Variants in MAP1B observed in about 807,000 individuals in gnomAD.
MAP1B encodes the protein microtubule associated protein 1B.
A neutral mutation model predicts 176.1 loss-of-function variants in MAP1B; 12 were observed. The observed-to-expected ratio is 0.07, with a 90% CI of 0.04 to 0.11. MAP1B has a LOEUF of 0.11. Ranked by LOEUF, MAP1B falls within the 10% of genes least tolerant of loss-of-function variation. The pLI is 1.00. For missense variants in MAP1B, 2,523 were observed against 2,990.5 expected, an observed-to-expected ratio of 0.84 and a Z score of 3.65; for synonymous variants, 1,044 against 1,135.0, an observed-to-expected ratio of 0.92 and a Z score of 1.61.
At chr5:72,181,234 C>G (rs897339710) in intron 2 of MAP1B, among the ~76,000 whole-genome samples, 2 of 152,104 alleles carry the variant, frequency 1.3e-5, no homozygotes, top group East Asian at 3.8e-4. Flanking sequence ...GGAGAATGGG[C>G]TTGGTAACAG....
intron 2 of MAP1B, among the ~76,000 whole-genome samples, chr5:72,171,603 T>A (rs1746544081): frequency 6.6e-6 from 1 of 152,148 alleles, no homozygotes; most frequent in Non-Finnish European, 1.5e-5. Context: ...AAAAATTTTT[T>A]TTTTAAAGTG....
At chr5:72,185,614 A>G (rs1188682678) in intron 3 of MAP1B, among the ~76,000 whole-genome samples, 1 of 152,144 alleles carries the variant, frequency 6.6e-6, no homozygotes, top group Admixed American at 6.5e-5. Flanking sequence ...AGGAGAAAAA[A>G]AAAAAAAAAA....
chr5:72,131,518 A>T (rs1435202280), intron 2 of MAP1B, among the ~76,000 whole-genome samples: 5 of 152,208 alleles, frequency 3.3e-5, no homozygotes, highest in Non-Finnish European at 7.3e-5. Flanking sequence ...AGATATTCTT[A>T]TAAGGATTCC....
At chr5:72,181,044 C>T (rs1338587260) in intron 2 of MAP1B, among the ~76,000 whole-genome samples, 1 of 152,138 alleles carries the variant, frequency 6.6e-6, no homozygotes, top group African/African-American at 2.4e-5. Flanking sequence ...TCATTGCTTT[C>T]GACAGTAAAG....
rs1747441045 is a variant in MAP1B, at chr5:72,206,073, AG to A, written c.*835del. The A allele has an allele frequency of 1.3e-5, 2 of 152,736 alleles. No individual in the cohort carries two copies. Among genetic ancestry groups the A allele is most frequent in the Non-Finnish European group, 2.9e-5 (2 of 68,068 alleles). 9.5% of individuals were successfully genotyped at this position (152,736 alleles called of 1,614,324 possible). On this transcript the variant is annotated 3_prime_UTR_variant, in exon 7 of 7. Coordinates refer to ENST00000296755, the MANE Select transcript of MAP1B (RefSeq NM_005909.5). Reference sequence around the variant, plus strand: ...GCTCCCAGCATTTGTCCACCCACTTAGTCCACTCTGAGTCGATTAACCTGCA... The same window carrying A: ...GCTCCCAGCATTTGTCCACCCACTTATCCACTCTGAGTCGATTAACCTGCA...
At chr5:72,182,873 T>TC (rs1335025531) in intron 2 of MAP1B, among the ~76,000 whole-genome samples, 34 of 152,274 alleles carry the variant, frequency 2.2e-4, no homozygotes, top group African/African-American at 8.2e-4. Context: ...TATCACCAAC[T>TC]GGGCCACACA....
chr5:72,199,613 C>G lies in MAP1B; in HGVS notation c.6258C>G (p.Ser2086=). The change falls in exon 5 of 7, where the codon TCC becomes TCG. Residue 2086 remains serine (S), a synonymous_variant. Coordinates refer to ENST00000296755, the MANE Select transcript of MAP1B (RefSeq NM_005909.5). The surrounding 1 kb of genome is among the most constrained non-coding windows in gnomAD (Gnocchi z 4.2). The part of the protein sequence containing the change: ...ARQDVDLCLV[S]SCEYKHPKTE... ...AGGATGTCGATTTATGCCTCGTGTC[C>G]TCTTGTGAATACAAGCACCCCAAGA... 6.2e-7 allele frequency: 1 copy of G among 1,614,148 alleles called. No homozygotes were observed. Among genetic ancestry groups the G allele is most frequent in the Non-Finnish European group, 8.5e-7 (1 of 1,180,038 alleles).
At chr5:72,179,493 C>T in intron 2 of MAP1B, 1 of 408,508 alleles carries the variant, frequency 2.4e-6, no homozygotes, top group Non-Finnish European at 3.3e-6. Context: ...CAGTGTGAAA[C>T]ATTCCCCAAA....
chr5:72,169,729 A>G (rs766395047), intron 2 of MAP1B, among the ~76,000 whole-genome samples: 1 of 152,212 alleles, frequency 6.6e-6, no homozygotes, highest in Non-Finnish European at 1.5e-5. Context: ...ATGTAAAAGC[A>G]TTTTGTTAAC....
intron 2 of MAP1B, among the ~76,000 whole-genome samples, chr5:72,151,178 A>T (rs1248448503): frequency 6.6e-6 from 1 of 152,068 alleles, no homozygotes; most frequent in Non-Finnish European, 1.5e-5. Context: ...GGCATATTTG[A>T]AGAGGGACCA....
chr5:72,159,193 G>T (rs527867338), intron 2 of MAP1B, among the ~76,000 whole-genome samples: 7 of 151,634 alleles, frequency 4.6e-5, no homozygotes, highest in Admixed American at 1.3e-4. Flanking sequence ...AAGACTGGAA[G>T]AAAAAAAACA....
At chr5:72,152,113 G>C (rs572183124) in intron 2 of MAP1B, among the ~76,000 whole-genome samples, 15 of 152,212 alleles carry the variant, frequency 9.9e-5, no homozygotes, top group Admixed American at 8.5e-4. Flanking sequence ...GATCCAATGC[G>C]GTATCCCACA....
intron 2 of MAP1B, among the ~76,000 whole-genome samples, chr5:72,177,092 A>C (rs1746666166): frequency 6.6e-6 from 1 of 152,092 alleles, no homozygotes; most frequent in South Asian, 2.1e-4. Flanking sequence ...TTGTTTTCTA[A>C]CAGCACCTCT....
In MAP1B at chr5:72,199,517, A is replaced by C. The variant is rs61734260; in HGVS notation, c.6162A>C (p.Ala2054=). The change falls in exon 5 of 7, where the codon GCA becomes GCC. Residue 2054 remains alanine (A), a synonymous_variant. Transcript: ENST00000296755. This position sits in a 1 kb window ranked among gnomAD's most constrained non-coding sequence, Gnocchi z 4.2. ...TAEKITRTPQ[A]STYSYETSDL... is the part of the protein sequence containing the mutation. ...AGAAAATCACTAGAACCCCTCAGGC[A>C]TCCACATATTCCTACGAGACTTCAG... 1,575 of 1,614,194 alleles carry C rather than the reference A, an allele frequency of 9.8e-4. 15 individuals are homozygous for C. The African/African-American group carries it at 0.017, about 18-fold the overall frequency.
At chr5:72,187,134 C>T (rs955717460) in intron 4 of MAP1B, among the ~76,000 whole-genome samples, 2 of 152,126 alleles carry the variant, frequency 1.3e-5, no homozygotes, top group African/African-American at 4.8e-5. Context: ...GTTTTCCAGG[C>T]CTAATTATTT....
chr5:72,179,517 G>C, intron 2 of MAP1B: 3 of 597,834 alleles, frequency 5.0e-6, no homozygotes, highest in Non-Finnish European at 6.3e-6. Context: ...GCAACTTTGT[G>C]AGCATCCCAG....
At chr5:72,138,339 A>G (rs1745874940) in intron 2 of MAP1B, among the ~76,000 whole-genome samples, 1 of 152,174 alleles carries the variant, frequency 6.6e-6, no homozygotes, top group Non-Finnish European at 1.5e-5. Context: ...ACACATTTTT[A>G]CCTCCAAGTT....
At chr5:72,169,757 G>A (rs995143585) in intron 2 of MAP1B, among the ~76,000 whole-genome samples, 20 of 152,148 alleles carry the variant, frequency 1.3e-4, no homozygotes, top group African/African-American at 4.1e-4. Context: ...TTATAAGTTG[G>A]TTGGAGGCAA....
At position 72,198,148 on chromosome 5, in the gene MAP1B, C is replaced by T. The variant is rs1747229086; in HGVS notation, c.4793C>T (p.Pro1598Leu). The change falls in exon 5 of 7, where the codon CCT becomes CTT. Residue 1598 changes from proline (P) to leucine (L), a missense_variant. Physicochemically the swap from Pro to Leu is moderately conservative, Grantham distance 98. Coordinates refer to ENST00000296755, the MANE Select transcript of MAP1B (RefSeq NM_005909.5). The part of the protein sequence containing the change: ...DSLSVSVVQT[P>L]TTFQETEMSP... ...CTTTCAGTGTCTGTTGTGCAAACAC[C>T]TACCACATTCCAGGAAACAGAAATG... 2 of 1,614,038 alleles carry T rather than the reference C, an allele frequency of 1.2e-6. No individual in the cohort carries two copies. The highest frequency in any genetic ancestry group is 1.1e-5 in the South Asian group (1 of 91,066).
Sources: allele counts gnomAD v4.1 joint callset (sites outside exome capture counted in the v4.1 genomes callset), GRCh38; gene constraint gnomAD v4.1.1; non-coding constraint Gnocchi (gnomAD v3.1); transcripts MANE v1.5; gene names NCBI Gene and HGNC (gene_info 2026-07-23, HGNC 2026-07-21).